The following MORC1 variants were observed in gnomAD, a reference collection of about 807,000 sequenced individuals.
The protein encoded by MORC1 is MORC family CW-type zinc finger protein 1.
MORC1 carries 59 observed loss-of-function variants against 134.9 expected under a neutral mutation model. The observed-to-expected ratio is 0.44, with a 90% CI of 0.35 to 0.54. The LOEUF is 0.54. Ranked by LOEUF, MORC1 falls within the 20% of genes least tolerant of loss-of-function variation. The probability of loss-of-function intolerance (pLI) is 0.00; values close to 1 mark genes in which losing one functional copy is unlikely to be tolerated. For missense variants in MORC1, 947 were observed against 1,134.5 expected (o/e 0.83, Z 2.37); for synonymous variants, 395 against 391.7 (o/e 1.01, Z -0.10).
intron 8 of MORC1, among the ~76,000 whole-genome samples, chr3:109,075,186 C>A (rs1950395090): frequency 6.6e-6 from 1 of 152,084 alleles, no homozygotes; most frequent in Admixed American, 6.6e-5. Flanking sequence ...ATAGATCATG[C>A]CATTATGTAA....
At chr3:109,023,699 G>A (rs1253805866) in intron 17 of MORC1, among the ~76,000 whole-genome samples, 1 of 152,130 alleles carries the variant, frequency 6.6e-6, no homozygotes, top group African/African-American at 2.4e-5. Flanking sequence ...GCAAATTTGA[G>A]AACGGAGAGG....
chr3:109,070,689 G>T (rs1950298207), intron 8 of MORC1, among the ~76,000 whole-genome samples: 1 of 151,990 alleles, frequency 6.6e-6, no homozygotes, highest in Non-Finnish European at 1.5e-5. Flanking sequence ...AAAAAAAAAT[G>T]TGAAGCCCGT....
chr3:109,012,157 G>A (rs1304180915), intron 17 of MORC1, among the ~76,000 whole-genome samples: 1 of 150,630 alleles, frequency 6.6e-6, no homozygotes, highest in Non-Finnish European at 1.5e-5. Context: ...GTTATTTTGG[G>A]GGATATATGG....
intron 18 of MORC1, among the ~76,000 whole-genome samples, chr3:109,006,825 T>C (rs1211534056): frequency 6.6e-6 from 1 of 152,186 alleles, no homozygotes; most frequent in Non-Finnish European, 1.5e-5. Flanking sequence ...TAATGGGTGA[T>C]TTAAATTTTA....
chr3:108,961,080 C>G (rs1397503211), intron 27 of MORC1, among the ~76,000 whole-genome samples: 1 of 152,182 alleles, frequency 6.6e-6, no homozygotes, highest in East Asian at 1.9e-4. Flanking sequence ...ATCTCATTCC[C>G]TTGGGCCCAA....
chr3:108,979,423 A>G, intron 24 of MORC1, 92 bp downstream of exon 24: 2 of 1,334,036 alleles, frequency 1.5e-6, no homozygotes, highest in African/African-American at 1.5e-5. Flanking sequence ...TTTATTCAGT[A>G]TCATTAAAAC....
chr3:109,051,105 AG>A (rs1159385225), intron 14 of MORC1, among the ~76,000 whole-genome samples: 1 of 152,242 alleles, frequency 6.6e-6, no homozygotes, highest in Non-Finnish European at 1.5e-5. Context: ...CAGAAAACAT[AG>A]TAGCAGACAG....
rs759107945 is a variant in MORC1, at chr3:109,005,146, T to C, written c.1937A>G (p.Glu646Gly). Residue 646 changes from glutamate (E) to glycine (G), a missense_variant, in exon 19 of 28, where the codon GAG (glutamate) becomes GGG (glycine). By Grantham distance (98) the Glu-to-Gly change is moderately conservative. Around this residue, in one of 3 missense-constraint regions of MORC1, gnomAD observed 722 missense variants for 817.0 expected, o/e 0.88. Transcript: ENST00000232603. Reference sequence around the variant, plus strand: ...CTGCTGTTGAGAGTTCATTTTCTCCTCCATAGACTTTTTCATAATTTTTGT... The same window carrying C: ...CTGCTGTTGAGAGTTCATTTTCTCCCCCATAGACTTTTTCATAATTTTTGT... ...SETKIMKKSM[E>G]EKMNSQQQRI... The C allele has an allele frequency of 7.4e-6, 12 of 1,613,818 alleles. No individual in the cohort carries two copies. The highest frequency in any genetic ancestry group is 1.6e-4 in the Middle Eastern group (1 of 6,080).
intron 3 of MORC1, among the ~76,000 whole-genome samples, chr3:109,107,148 A>G (rs981385334): frequency 1.3e-5 from 2 of 152,104 alleles, no homozygotes; most frequent in Admixed American, 1.3e-4. Context: ...TCACCAGGCG[A>G]ATGTCTATTT....
chr3:108,995,173 A>T (rs1408020400), intron 21 of MORC1, among the ~76,000 whole-genome samples: 1 of 152,198 alleles, frequency 6.6e-6, no homozygotes, highest in Non-Finnish European at 1.5e-5. Flanking sequence ...GGAGTTTGTA[A>T]CTATATCTAA....
intron 14 of MORC1, among the ~76,000 whole-genome samples, chr3:109,038,862 C>T (rs962584974): frequency 2.6e-5 from 4 of 152,078 alleles, no homozygotes; most frequent in Admixed American, 6.6e-5. Flanking sequence ...AGTTTGAAGT[C>T]AGGTAGCGCG....
chr3:108,979,502 T>C lies in MORC1; in HGVS notation c.2477+13A>G, dbSNP rs1455239696. 1 of 1,612,786 alleles carries C rather than the reference T, an allele frequency of 6.2e-7. No individual in the cohort carries two copies. The highest frequency in any genetic ancestry group is 8.5e-7 in the Non-Finnish European group (1 of 1,179,326). Reference sequence around the variant, plus strand: ...AACAAAGCATGTGGAAATATGTGAGTAAATATCTTTACCTTAACTTAGACT... The same window carrying C: ...AACAAAGCATGTGGAAATATGTGAGCAAATATCTTTACCTTAACTTAGACT... On this transcript the variant is annotated intron_variant, in intron 24 of 27. Transcript: ENST00000232603.
intron 14 of MORC1, among the ~76,000 whole-genome samples, chr3:109,040,386 GAAA>G: frequency 1.2e-5 from 1 of 84,948 alleles, no homozygotes; most frequent in South Asian, 4.3e-4. Context: ...AAGAAAGAAA[GAAA>G]GAAAGAAAGA....
At chr3:108,986,678 GTC>G (rs1947902567) in intron 22 of MORC1, among the ~76,000 whole-genome samples, 200 bp downstream of exon 22, 1 of 152,098 alleles carries the variant, frequency 6.6e-6, no homozygotes, top group Non-Finnish European at 1.5e-5. Context: ...GCCAGAAAGT[GTC>G]TCTCTGCCCC....
chr3:109,027,499 A>C (rs1949106679), intron 17 of MORC1, among the ~76,000 whole-genome samples: 1 of 152,150 alleles, frequency 6.6e-6, no homozygotes, highest in African/African-American at 2.4e-5. Context: ...TGTGGAGTAG[A>C]AATAAATGTC....
At chr3:109,055,748 C>T (rs186109083) in intron 13 of MORC1, among the ~76,000 whole-genome samples, 15 of 152,262 alleles carry the variant, frequency 9.9e-5, no homozygotes, top group Non-Finnish European at 1.6e-4. Context: ...AATACAGGTT[C>T]CCCCTGGCTT....
At chr3:109,002,938 C>T (rs150189754) in intron 20 of MORC1, among the ~76,000 whole-genome samples, 28 of 152,274 alleles carry the variant, frequency 1.8e-4, no homozygotes, top group Non-Finnish European at 4.0e-4. Flanking sequence ...ACCATATTCC[C>T]TCTTTAGCAA....
chr3:108,963,575 T>A lies in MORC1; in HGVS notation c.2638A>T (p.Lys880Ter), dbSNP rs777571057. 8.5e-5 allele frequency: 134 copies of A among 1,583,048 alleles called. No individual in the cohort carries two copies. The highest frequency in any genetic ancestry group is 1.1e-4 in the Non-Finnish European group (125 of 1,166,700). ...ATGGACTGCAATTTCCTCTTTATTT[T>A]TTTTTCATATTGGACCATGTAAGTA... is the stretch of plus-strand genomic sequence containing the variant. ...QNTYMVQYEK[K>*]IKRKLQSIIY... The change falls in exon 27 of 28, where the codon AAA becomes TAA. Residue 880 changes from lysine to a stop codon, truncating the protein, a stop_gained. Transcript: ENST00000232603. LOFTEE classifies it high-confidence loss of function.
rs1332540664 is a variant in MORC1 at position 109,022,642 on chromosome 3, G to T, written c.1704+5109C>A. Among the ~76,000 whole-genome samples, 3 of 152,276 alleles carry T rather than the reference G, an allele frequency of 2.0e-5. No homozygotes were observed. The South Asian group carries it at 6.2e-4, about 32-fold the overall frequency. On this transcript the variant is annotated intron_variant, in intron 17 of 27. Transcript: ENST00000232603. ...CAAATACAACAGTTTATTGTGACCA[G>T]GTATAAGAACATTTTGGTCTTCAGT...
Sources: gnomAD v4.1 joint callset for allele counts (sites outside exome capture counted in the v4.1 genomes callset) on GRCh38, gnomAD v4.1.1 for gene constraint, gnomAD v4.1.1 regional missense constraint, MANE v1.5 for transcripts, NCBI Gene and HGNC (gene_info 2026-07-23, HGNC 2026-07-21) for gene names.